CHN1: variants seen among roughly 807,000 people sequenced by gnomAD.
CHN1 encodes N-chimaerin.
Under a neutral mutation model 59.5 loss-of-function variants are expected in CHN1, and 37 were observed. The ratio of observed to expected loss-of-function variants is 0.62; its 90% CI spans 0.48 to 0.82. CHN1 has a LOEUF of 0.82. Among genes scored for constraint, CHN1 ranks in the 40% least tolerant of loss-of-function variants. The pLI is 0.00. For synonymous variants in CHN1, 206 were observed against 200.4 expected, an observed-to-expected ratio of 1.03 and a Z score of -0.24; for missense variants, 469 against 571.0, an observed-to-expected ratio of 0.82 and a Z score of 1.82.
chr2:174,824,377 CT>C, intron 8 of CHN1, 56 bp downstream of exon 8: 2 of 1,351,548 alleles, frequency 1.5e-6, no homozygotes, highest in Non-Finnish European at 2.0e-6. Context: ...CTCCTTCTAC[CT>C]CACCTCTTAT....
intron 5 of CHN1, among the ~76,000 whole-genome samples, chr2:174,886,894 C>T (rs1476546362): frequency 6.6e-6 from 1 of 152,130 alleles, no homozygotes; most frequent in Non-Finnish European, 1.5e-5. Flanking sequence ...ATTGCAAGTG[C>T]ACAATTCAAT....
At chr2:174,947,839 C>T (rs1689893248) in intron 2 of CHN1, among the ~76,000 whole-genome samples, 1 of 152,046 alleles carries the variant, frequency 6.6e-6, no homozygotes, top group Admixed American at 6.6e-5. Flanking sequence ...AAACACCTAT[C>T]AAAAAGATCA....
chr2:174,911,368 C>T (rs1192478908), intron 5 of CHN1, among the ~76,000 whole-genome samples: 1 of 152,142 alleles, frequency 6.6e-6, no homozygotes, highest in Non-Finnish European at 1.5e-5. Flanking sequence ...ACAGAAAATC[C>T]GAGAATCACT....
intron 1 of CHN1, among the ~76,000 whole-genome samples, chr2:174,974,386 C>CAA (rs1690853240): frequency 6.6e-6 from 1 of 152,142 alleles, no homozygotes; most frequent in South Asian, 2.1e-4. Context: ...AATTGAAAAG[C>CAA]AAAAGGTCAT....
At chr2:174,840,227 G>C (rs942006482) in intron 7 of CHN1, among the ~76,000 whole-genome samples, 1 of 133,516 alleles carries the variant, frequency 7.5e-6, no homozygotes, top group Non-Finnish European at 1.5e-5. Flanking sequence ...GGAGTGCAGT[G>C]GTGTGTTCAC....
chr2:174,920,286 G>A (rs544784392), intron 3 of CHN1, among the ~76,000 whole-genome samples: 1 of 152,166 alleles, frequency 6.6e-6, no homozygotes, highest in Non-Finnish European at 1.5e-5. Context: ...ATGCTGCAAG[G>A]AACATGGGAG....
chr2:174,822,929 T>G (rs965288737), intron 8 of CHN1, among the ~76,000 whole-genome samples: 1 of 152,250 alleles, frequency 6.6e-6, no homozygotes, highest in Non-Finnish European at 1.5e-5. Context: ...TCCCACTTCC[T>G]GTGGCAGGAA....
chr2:174,915,981 C>T (rs1236169013), intron 4 of CHN1, among the ~76,000 whole-genome samples: 7 of 152,234 alleles, frequency 4.6e-5, no homozygotes, highest in Non-Finnish European at 8.8e-5. Context: ...AAATATGCCA[C>T]TTTGCTGTAT....
intron 7 of CHN1, among the ~76,000 whole-genome samples, chr2:174,845,043 T>C (rs1686459398): frequency 6.6e-6 from 1 of 152,188 alleles, no homozygotes; most frequent in Admixed American, 6.5e-5. Context: ...GTCAGAACTT[T>C]CCAGCTGTGT....
chr2:175,002,794 C>T (rs1691931821), intron 1 of CHN1, among the ~76,000 whole-genome samples: 1 of 152,206 alleles, frequency 6.6e-6, no homozygotes, highest in Admixed American at 6.5e-5. Context: ...TCTCACAGAA[C>T]TTTATTGCTC....
intron 5 of CHN1, among the ~76,000 whole-genome samples, chr2:174,909,322 G>A (rs1392028717): frequency 2.6e-5 from 4 of 152,068 alleles, no homozygotes. Flanking sequence ...ATTTTGTTTG[G>A]TCATTCATTC....
chr2:174,985,493 A>G (rs763643205), intron 1 of CHN1, among the ~76,000 whole-genome samples: 1 of 148,080 alleles, frequency 6.8e-6, no homozygotes, highest in African/African-American at 2.7e-5. Context: ...AAAAAATAAC[A>G]GTTACTTTAG....
At chr2:174,907,663 A>C (rs74984045) in intron 5 of CHN1, among the ~76,000 whole-genome samples, 1 of 150,156 alleles carries the variant, frequency 6.7e-6, no homozygotes, top group Non-Finnish European at 1.5e-5. Context: ...CACTGTAAAA[A>C]AAAAATCAGG....
At chr2:174,959,940 A>G (rs1044788440) in intron 1 of CHN1, among the ~76,000 whole-genome samples, 6 of 152,190 alleles carry the variant, frequency 3.9e-5, no homozygotes, top group Non-Finnish European at 7.3e-5. Flanking sequence ...AACTATTGCC[A>G]AACAGTGCAG....
At chr2:174,918,375 T>C (rs1688910895) in intron 4 of CHN1, among the ~76,000 whole-genome samples, 159 bp downstream of exon 4, 1 of 152,236 alleles carries the variant, frequency 6.6e-6, no homozygotes, top group African/African-American at 2.4e-5. Flanking sequence ...TTATTGTCTA[T>C]ATTGTTCACC....
At chr2:174,883,038 A>G (rs922443411) in intron 5 of CHN1, among the ~76,000 whole-genome samples, 1 of 152,230 alleles carries the variant, frequency 6.6e-6, no homozygotes, top group Non-Finnish European at 1.5e-5. Context: ...ACACATAATG[A>G]TATTTCCTTG....
intron 1 of CHN1, among the ~76,000 whole-genome samples, chr2:174,987,847 C>T (rs1006746987): frequency 6.6e-6 from 1 of 152,018 alleles, no homozygotes; most frequent in Non-Finnish European, 1.5e-5. Context: ...TAGATGATGG[C>T]AATTTTATAT....
chr2:174,970,863 A>G (rs1292871451), intron 1 of CHN1, among the ~76,000 whole-genome samples: 4 of 152,146 alleles, frequency 2.6e-5, no homozygotes, highest in Non-Finnish European at 5.9e-5. Context: ...CTTTTTTCCA[A>G]CTATATATCT....
intron 3 of CHN1, among the ~76,000 whole-genome samples, chr2:174,928,827 C>A (rs563237919): frequency 2.6e-5 from 4 of 152,256 alleles, no homozygotes; most frequent in Admixed American, 2.0e-4. Flanking sequence ...TTTCTCACTG[C>A]ACTTTAAGCC....
Sources: gnomAD v4.1 joint callset for allele counts (sites outside exome capture counted in the v4.1 genomes callset) on GRCh38, gnomAD v4.1.1 for gene constraint, MANE v1.5 for transcripts, NCBI Gene and HGNC (gene_info 2026-07-23, HGNC 2026-07-21) for gene names.